Variants in ADGRL2 observed in about 807,000 individuals in gnomAD.
The protein encoded by ADGRL2 is calcium-independent alpha-latrotoxin receptor 2.
ADGRL2 carries 44 observed loss-of-function variants against 157.4 expected under a neutral mutation model. The observed-to-expected ratio is 0.28, with a 90% CI of 0.22 to 0.36. ADGRL2 has a LOEUF of 0.36. Ranked by LOEUF, ADGRL2 falls within the 10% of genes least tolerant of loss-of-function variation. The pLI, the probability that ADGRL2 is intolerant of heterozygous loss-of-function variation, is 1.00. For missense variants in ADGRL2, 1,510 were observed against 1,768.9 expected (o/e 0.85, Z 2.63); for synonymous variants, 585 against 624.7 (o/e 0.94, Z 0.95).
chr1:81,834,713 A>C (rs1314918036), intron 1 of ADGRL2, among the ~76,000 whole-genome samples: 1 of 151,866 alleles, frequency 6.6e-6, no homozygotes, highest in Non-Finnish European at 1.5e-5. Flanking sequence ...TTTTTTACTT[A>C]TTCATTACAC....
At chr1:81,927,267 G>A (rs1572169783) in intron 3 of ADGRL2, among the ~76,000 whole-genome samples, 1 of 151,796 alleles carries the variant, frequency 6.6e-6, no homozygotes, top group South Asian at 2.1e-4. Context: ...AGGACTTTCT[G>A]TTTCTCTTAT....
At chr1:81,576,024 T>C (rs1176973114) in intron 2 of ADGRL2, among the ~76,000 whole-genome samples, 3 of 152,154 alleles carry the variant, frequency 2.0e-5, no homozygotes, top group Non-Finnish European at 2.9e-5. Context: ...GATGAAATAG[T>C]ATGGGATTTA....
Position 81,668,425 on chromosome 1 carries a change from A to T in ADGRL2, c.-143+87445A>T, listed in dbSNP as rs1403533292. On this transcript the variant is annotated intron_variant, in intron 3 of 24. Coordinates refer to the ADGRL2 transcript ENST00000370721. ...CAGAGTAACACTGTCAAAAAAAAAA[A>T]AAAGCAAGTTTTCCTGGTTATTATA... 2.0e-5 allele frequency among the ~76,000 whole-genome samples: 3 copies of T among 152,306 alleles called. No homozygotes were observed. In the East Asian group the frequency reaches 5.8e-4, roughly 29 times the overall value.
At chr1:81,857,281 A>C (rs746212567) in intron 2 of ADGRL2, among the ~76,000 whole-genome samples, 1 of 152,112 alleles carries the variant, frequency 6.6e-6, no homozygotes, top group Non-Finnish European at 1.5e-5. Context: ...TTATTTTTAG[A>C]TTTGGGATAT....
At chr1:81,478,590 C>G (rs557382780) in intron 2 of ADGRL2, among the ~76,000 whole-genome samples, 11 of 152,288 alleles carry the variant, frequency 7.2e-5, no homozygotes, top group Non-Finnish European at 1.3e-4. Flanking sequence ...GGTGTTTAAG[C>G]CTTAAGCAAT....
Position 81,849,162 on chromosome 1 carries a change from C to A in ADGRL2, c.73+12105C>A, listed in dbSNP as rs367973739. Among the ~76,000 whole-genome samples, 12 of 151,976 alleles carry A rather than the reference C, an allele frequency of 7.9e-5. No homozygotes were observed. The East Asian group carries it at 1.5e-3, about 20-fold the overall frequency. On this transcript the variant is annotated intron_variant, in intron 2 of 23. Transcript: ENST00000686636. The stretch of plus-strand genomic sequence containing the variant: ...TTTGAGAGCTGTCACTCCATTCTTT[C>A]AACAATGTTGTTAATTGACTGATAG...
intron 2 of ADGRL2, among the ~76,000 whole-genome samples, chr1:81,780,806 T>A (rs1416433823): frequency 6.6e-6 from 1 of 152,176 alleles, no homozygotes; most frequent in Non-Finnish European, 1.5e-5. Context: ...TATTAATCTG[T>A]GTTGAAATGT....
At chr1:81,969,002 G>C (rs2149311936) in intron 14 of ADGRL2, among the ~76,000 whole-genome samples, 176 bp from the exon 15 acceptor site, 1 of 152,050 alleles carries the variant, frequency 6.6e-6, no homozygotes, top group Non-Finnish European at 1.5e-5. Context: ...CAATAATATT[G>C]AACGCTATTA....
At chr1:81,612,970 G>A (rs1314590334) in intron 3 of ADGRL2, among the ~76,000 whole-genome samples, 1 of 152,090 alleles carries the variant, frequency 6.6e-6, no homozygotes, top group Admixed American at 6.6e-5. Context: ...ACCATGAAGG[G>A]TACTATAAAT....
At chr1:81,518,293 C>T (rs1471272806) in intron 2 of ADGRL2, among the ~76,000 whole-genome samples, 2 of 152,194 alleles carry the variant, frequency 1.3e-5, no homozygotes, top group East Asian at 3.9e-4. Flanking sequence ...GCTCCTTTCT[C>T]TTTAGTCCTC....
At chr1:81,595,764 A>G (rs1305680081) in intron 3 of ADGRL2, among the ~76,000 whole-genome samples, 2 of 152,256 alleles carry the variant, frequency 1.3e-5, no homozygotes, top group Non-Finnish European at 2.9e-5. Context: ...GGGCTATTAA[A>G]TAATAGTTCT....
chr1:81,751,839 T>C (rs2085500223), intron 1 of ADGRL2, among the ~76,000 whole-genome samples: 1 of 152,208 alleles, frequency 6.6e-6, no homozygotes, highest in African/African-American at 2.4e-5. Context: ...AAAATGTTAT[T>C]TGTCATTACA....
intron 1 of ADGRL2, among the ~76,000 whole-genome samples, chr1:81,717,124 G>T (rs905747396): frequency 6.6e-6 from 1 of 152,116 alleles, no homozygotes; most frequent in Non-Finnish European, 1.5e-5. Flanking sequence ...TTCTCTTCTG[G>T]CTGTTTCTCT....
intron 3 of ADGRL2, among the ~76,000 whole-genome samples, chr1:81,613,759 G>A (rs1036337034): frequency 3.9e-5 from 6 of 152,164 alleles, no homozygotes; most frequent in African/African-American, 1.4e-4. Flanking sequence ...GCTAGGAGTG[G>A]GGAGGGGTTA....
intron 3 of ADGRL2, among the ~76,000 whole-genome samples, chr1:81,610,229 GTTT>G (rs10657640): frequency 2.4e-5 from 3 of 127,388 alleles, no homozygotes; most frequent in Admixed American, 1.7e-4. Flanking sequence ...TGGCTTGGAG[GTTT>G]TTTTTTTTTT....
intron 2 of ADGRL2, among the ~76,000 whole-genome samples, chr1:81,788,140 A>G (rs995863312): frequency 6.6e-6 from 1 of 152,216 alleles, no homozygotes; most frequent in Admixed American, 6.5e-5. Flanking sequence ...GATTCATGGC[A>G]CAAGATACTT....
At chr1:81,840,161 G>T (rs1224765206) in intron 2 of ADGRL2, among the ~76,000 whole-genome samples, 1 of 151,910 alleles carries the variant, frequency 6.6e-6, no homozygotes, top group African/African-American at 2.4e-5. Flanking sequence ...GGTCAGACAA[G>T]AAAGTGCTTG....
At chr1:81,565,417 A>G (rs1186259994) in intron 2 of ADGRL2, among the ~76,000 whole-genome samples, 1 of 152,240 alleles carries the variant, frequency 6.6e-6, no homozygotes, top group African/African-American at 2.4e-5. Context: ...TGTTGTTAAC[A>G]GTATTCAAAG....
intron 23 of ADGRL2, chr1:81,989,714 G>A (rs1428384550): frequency 6.2e-7 from 1 of 1,610,214 alleles, no homozygotes; most frequent in Admixed American, 1.7e-5. Flanking sequence ...TCCAAAGTGA[G>A]TCATTCCACC....
Sources: gnomAD v4.1 joint callset for allele counts (sites outside exome capture counted in the v4.1 genomes callset) on GRCh38, gnomAD v4.1.1 for gene constraint, MANE v1.5 for transcripts, NCBI Gene and HGNC (gene_info 2026-07-23, HGNC 2026-07-21) for gene names.